Variants in SLC24A2 observed in about 807,000 individuals in gnomAD.
The protein encoded by SLC24A2 is solute carrier family 24 member 2.
In SLC24A2, 36 loss-of-function variants were observed where a neutral mutation model predicts 62.0. The observed-to-expected ratio is 0.58, with a 90% confidence interval of 0.44 to 0.77. The LOEUF (loss-of-function observed/expected upper bound fraction) is 0.77. Ranked by LOEUF, SLC24A2 falls within the 30% of genes least tolerant of loss-of-function variation. The pLI is 0.00. For missense variants in SLC24A2, 846 were observed against 817.9 expected, an observed-to-expected ratio of 1.03 and a Z score of -0.42; for synonymous variants, 358 against 294.0, an observed-to-expected ratio of 1.22 and a Z score of -2.23.
At chr9:19,845,154 C>A in the SLC24A2 span, among the ~76,000 whole-genome samples, 2 of 152,022 alleles carry the variant, frequency 1.3e-5, no homozygotes, top group Non-Finnish European at 2.9e-5. Context: ...GAGCATGGAA[C>A]GTTTTTCCAT....
At chr9:19,995,814 C>A in the SLC24A2 span, among the ~76,000 whole-genome samples, 5 of 152,198 alleles carry the variant, frequency 3.3e-5, no homozygotes, top group Non-Finnish European at 5.9e-5. Context: ...TCACCATTTC[C>A]TGATGTTCAA....
At chr9:19,518,388 A>G (rs1833035811) in intron 10 of SLC24A2, among the ~76,000 whole-genome samples, 1 of 151,910 alleles carries the variant, frequency 6.6e-6, no homozygotes, top group Non-Finnish European at 1.5e-5. Flanking sequence ...TTGATCTTTA[A>G]GCTTTATTTT....
chr9:19,524,910 T>A lies in SLC24A2; in HGVS notation c.1569+3139A>T, dbSNP rs118150910. Among the ~76,000 whole-genome samples the A allele has an allele frequency of 8.5e-3, 1,291 of 152,200 alleles. 12 individuals are homozygous for A. The highest frequency in any genetic ancestry group is 0.013 in the Non-Finnish European group (885 of 68,014). On this transcript the variant is annotated intron_variant, in intron 9 of 10. Coordinates refer to ENST00000341998, the MANE Select transcript of SLC24A2 (RefSeq NM_020344.4). ...AAAGAAATATCTGGGAAACAACATA[T>A]CCCAGCAAGTTAGAAAAACACCATT...
chr9:19,806,902 C>T, the SLC24A2 span, among the ~76,000 whole-genome samples: 1 of 152,160 alleles, frequency 6.6e-6, no homozygotes, highest in Non-Finnish European at 1.5e-5. Flanking sequence ...AGTTTTCTCA[C>T]CTGCAAAATA....
chr9:19,607,278 C>G (rs1183856426), intron 4 of SLC24A2, among the ~76,000 whole-genome samples: 1 of 152,182 alleles, frequency 6.6e-6, no homozygotes, highest in Admixed American at 6.5e-5. Context: ...TGCTTTTTAT[C>G]TCTGGGAACT....
chr9:19,848,413 T>C, the SLC24A2 span, among the ~76,000 whole-genome samples: 1 of 152,210 alleles, frequency 6.6e-6, no homozygotes, highest in African/African-American at 2.4e-5. Flanking sequence ...CTTGGTTCTG[T>C]TTCTTCACTT....
the SLC24A2 span, among the ~76,000 whole-genome samples, chr9:20,146,815 G>A: frequency 6.6e-6 from 1 of 152,020 alleles, no homozygotes; most frequent in South Asian, 2.1e-4. Context: ...CCCCACAGCT[G>A]GGGGACAGTG....
the SLC24A2 span, among the ~76,000 whole-genome samples, chr9:20,050,776 C>T: frequency 6.3e-4 from 96 of 152,234 alleles, no homozygotes; most frequent in East Asian, 2.1e-3. Context: ...ACTAACAACA[C>T]ACAATCAGTG....
intron 2 of SLC24A2, among the ~76,000 whole-genome samples, chr9:19,690,040 A>G (rs1259213188): frequency 2.0e-5 from 3 of 152,100 alleles, no homozygotes; most frequent in African/African-American, 7.2e-5. Flanking sequence ...GAATTTCCAG[A>G]CAGACACCAG....
the SLC24A2 span, among the ~76,000 whole-genome samples, chr9:20,220,858 A>G: frequency 6.6e-6 from 1 of 152,172 alleles, no homozygotes. Flanking sequence ...AAAAATATCA[A>G]GTCTAAAGAA....
At chr9:20,098,781 A>C in the SLC24A2 span, among the ~76,000 whole-genome samples, 1 of 152,208 alleles carries the variant, frequency 6.6e-6, no homozygotes, top group Non-Finnish European at 1.5e-5. Context: ...GAAGGGAAAG[A>C]TATGGTTAAA....
the SLC24A2 span, among the ~76,000 whole-genome samples, chr9:19,939,255 A>G: frequency 6.6e-6 from 1 of 152,196 alleles, no homozygotes; most frequent in Non-Finnish European, 1.5e-5. Context: ...TCCTTAGGTG[A>G]TTTCATCATT....
At chr9:19,755,554 G>A (rs1432713794) in intron 2 of SLC24A2, among the ~76,000 whole-genome samples, 1 of 152,176 alleles carries the variant, frequency 6.6e-6, no homozygotes, top group Non-Finnish European at 1.5e-5. Flanking sequence ...ACAAAGAGGG[G>A]AAATTACAGC....
chr9:19,624,996 G>T (rs1175752321), intron 2 of SLC24A2, among the ~76,000 whole-genome samples: 1 of 152,168 alleles, frequency 6.6e-6, no homozygotes, highest in Non-Finnish European at 1.5e-5. Context: ...AGGTGACAAA[G>T]AAATGATTTT....
chr9:19,677,172 A>G (rs1253673108), intron 2 of SLC24A2, among the ~76,000 whole-genome samples: 1 of 152,260 alleles, frequency 6.6e-6, no homozygotes, highest in African/African-American at 2.4e-5. Context: ...AAGACATGGA[A>G]TCAACCTAAA....
At chr9:19,536,307 T>C (rs1240440130) in intron 8 of SLC24A2, among the ~76,000 whole-genome samples, 14 of 149,918 alleles carry the variant, frequency 9.3e-5, no homozygotes, top group African/African-American at 2.7e-4. Flanking sequence ...CCCACTAACG[T>C]GTCATCTGTC....
rs369508536 is a variant in SLC24A2 at position 19,659,814 on chromosome 9, C to A, written c.931-37515G>T. ...ACACTTGGAATGGTACAAGTGAAAT[C>A]CAGGGCCCACAAGGGTCAGGATTTT... On this transcript the variant is annotated intron_variant, in intron 2 of 10. Transcript: ENST00000341998. Among the ~76,000 whole-genome samples, 87 of 152,188 alleles carry A rather than the reference C, an allele frequency of 5.7e-4. 1 individual carries two copies. The South Asian group carries it at 0.017, about 31-fold the overall frequency.
the SLC24A2 span, among the ~76,000 whole-genome samples, chr9:20,083,571 T>G: frequency 9.2e-5 from 14 of 152,256 alleles, no homozygotes; most frequent in African/African-American, 3.4e-4. Context: ...AGCAGCGAAT[T>G]GCCATTCAGT....
At chr9:19,811,011 A>G in the SLC24A2 span, among the ~76,000 whole-genome samples, 28 of 152,172 alleles carry the variant, frequency 1.8e-4, no homozygotes, top group African/African-American at 6.5e-4. Context: ...ACAATCTGCT[A>G]TGTATCTTTC....
Sources: gnomAD v4.1 joint callset for allele counts (sites outside exome capture counted in the v4.1 genomes callset) on GRCh38, gnomAD v4.1.1 for gene constraint, MANE v1.5 for transcripts, NCBI Gene and HGNC (gene_info 2026-07-23, HGNC 2026-07-21) for gene names.